The following TMEM163 variants were observed in gnomAD, a reference collection of about 807,000 sequenced individuals.
TMEM163 encodes the protein transmembrane protein 163.
TMEM163 carries 17 observed loss-of-function variants against 29.3 expected under a neutral mutation model. That is an observed-to-expected ratio of 0.58 (90% CI 0.40 to 0.87). The LOEUF (loss-of-function observed/expected upper bound fraction) is 0.87. TMEM163 is among the 40% of genes least tolerant of loss of function. The pLI is 0.00. For missense variants in TMEM163, 303 were observed against 381.5 expected, an observed-to-expected ratio of 0.79 and a Z score of 1.71; for synonymous variants, 157 against 160.6, an observed-to-expected ratio of 0.98 and a Z score of 0.17.
chr2:134,545,085 A>G (rs986091724), intron 4 of TMEM163, among the ~76,000 whole-genome samples: 3 of 152,190 alleles, frequency 2.0e-5, no homozygotes, highest in Non-Finnish European at 4.4e-5. Flanking sequence ...AAAACAAATG[A>G]GAAAAAACCA....
At chr2:134,637,254 G>A (rs920244803) in intron 2 of TMEM163, among the ~76,000 whole-genome samples, 3 of 152,180 alleles carry the variant, frequency 2.0e-5, no homozygotes, top group African/African-American at 7.2e-5. Flanking sequence ...GGTTTCCTCT[G>A]GAGACTCCAG....
intron 2 of TMEM163, among the ~76,000 whole-genome samples, chr2:134,644,970 A>T (rs578122538): frequency 2.0e-5 from 3 of 152,216 alleles, no homozygotes; most frequent in African/African-American, 7.2e-5. Context: ...GAAAAGCCAC[A>T]TTACTAAAAA....
intron 2 of TMEM163, among the ~76,000 whole-genome samples, chr2:134,561,133 C>T (rs1024552014): frequency 3.3e-5 from 5 of 152,280 alleles, no homozygotes; most frequent in African/African-American, 9.6e-5. Flanking sequence ...AGCCCCTCAA[C>T]TTGTTAGCAC....
At chr2:134,522,290 A>G (rs1680206221) in intron 4 of TMEM163, among the ~76,000 whole-genome samples, 1 of 152,230 alleles carries the variant, frequency 6.6e-6, no homozygotes, top group Admixed American at 6.5e-5. Flanking sequence ...ACTGCCCACT[A>G]TCTGATTTCC....
intron 5 of TMEM163, among the ~76,000 whole-genome samples, chr2:134,492,016 CT>C (rs1679441022): frequency 1.3e-5 from 2 of 152,234 alleles, no homozygotes; most frequent in African/African-American, 4.8e-5. Context: ...CCTGCTGGCA[CT>C]TCATGGGTGT....
intron 5 of TMEM163, among the ~76,000 whole-genome samples, chr2:134,488,548 G>A (rs766261367): frequency 2.6e-5 from 4 of 152,172 alleles, no homozygotes; most frequent in Non-Finnish European, 5.9e-5. Context: ...CTGCACCATC[G>A]GCTTCCCTAC....
At chr2:134,462,286 G>C (rs1686561170) in intron 6 of TMEM163, among the ~76,000 whole-genome samples, 2 of 151,964 alleles carry the variant, frequency 1.3e-5, no homozygotes, top group South Asian at 4.2e-4. Flanking sequence ...CCACTCCCCA[G>C]GCCTCCCTCT....
chr2:134,616,036 A>G (rs916630886), intron 2 of TMEM163, among the ~76,000 whole-genome samples: 1 of 152,200 alleles, frequency 6.6e-6, no homozygotes, highest in Admixed American at 6.5e-5. Context: ...TTGTAAAAAG[A>G]GATGAGACGT....
chr2:134,699,002 G>T (rs1056020285), intron 2 of TMEM163, among the ~76,000 whole-genome samples: 1 of 152,118 alleles, frequency 6.6e-6, no homozygotes, highest in Non-Finnish European at 1.5e-5. Context: ...TCACTAGTAA[G>T]GCATAAAATG....
intron 1 of TMEM163, among the ~76,000 whole-genome samples, chr2:134,717,814 A>G (rs551119148): frequency 6.6e-6 from 1 of 152,274 alleles, no homozygotes; most frequent in South Asian, 2.1e-4. Context: ...GACGCGGCCA[A>G]GAACAGGGCT....
intron 2 of TMEM163, among the ~76,000 whole-genome samples, chr2:134,649,810 T>C (rs968824945): frequency 2.6e-5 from 4 of 151,954 alleles, no homozygotes; most frequent in Non-Finnish European, 5.9e-5. Flanking sequence ...TCTCAGGAAT[T>C]TGAGACCAAC....
intron 4 of TMEM163, among the ~76,000 whole-genome samples, chr2:134,503,645 T>G (rs577436779): frequency 6.6e-6 from 1 of 152,088 alleles, no homozygotes; most frequent in South Asian, 2.1e-4. Context: ...AGACAGGAGT[T>G]TGTGGTAAGA....
At chr2:134,613,616 C>G (rs1483409635) in intron 2 of TMEM163, among the ~76,000 whole-genome samples, 1 of 151,684 alleles carries the variant, frequency 6.6e-6, no homozygotes, top group African/African-American at 2.4e-5. Flanking sequence ...AAGGTGCTGA[C>G]AGAAAAAAAA....
intron 5 of TMEM163, 77 bp downstream of exon 5, chr2:134,502,824 G>T: frequency 7.6e-7 from 1 of 1,318,970 alleles, no homozygotes; most frequent in South Asian, 1.3e-5. Flanking sequence ...GACTCCACCC[G>T]GGAACCCTGC....
intron 2 of TMEM163, among the ~76,000 whole-genome samples, chr2:134,577,619 T>C (rs1281477076): frequency 6.6e-6 from 1 of 152,104 alleles, no homozygotes; most frequent in African/African-American, 2.4e-5. Context: ...GACCAGCCTC[T>C]CTCCTTTTCA....
chr2:134,469,792 T>A (rs959557716), intron 5 of TMEM163: 4 of 152,430 alleles, frequency 2.6e-5, no homozygotes, highest in African/African-American at 9.6e-5. Context: ...TTCTGCAGGA[T>A]GCCCAATGTC....
At chr2:134,697,557 C>T (rs914237403) in intron 2 of TMEM163, among the ~76,000 whole-genome samples, 9 of 151,428 alleles carry the variant, frequency 5.9e-5, no homozygotes, top group African/African-American at 1.9e-4. Context: ...CTCCGCCTCC[C>T]GGGTTCAAGT....
intron 2 of TMEM163, among the ~76,000 whole-genome samples, chr2:134,707,934 G>A (rs1176480635): frequency 6.7e-6 from 1 of 150,356 alleles, no homozygotes; most frequent in East Asian, 1.9e-4. Flanking sequence ...AGTCTCCCAG[G>A]CTGGAGTGCA....
intron 2 of TMEM163, among the ~76,000 whole-genome samples, chr2:134,556,046 G>A (rs544612801): frequency 1.1e-4 from 17 of 152,274 alleles, no homozygotes; most frequent in African/African-American, 3.9e-4. Flanking sequence ...TTTCTTAGAG[G>A]GGATTTTAGA....
Sources: allele counts gnomAD v4.1 joint callset (sites outside exome capture counted in the v4.1 genomes callset), GRCh38; gene constraint gnomAD v4.1.1; transcripts MANE v1.5; gene names NCBI Gene and HGNC (gene_info 2026-07-23, HGNC 2026-07-21).